Variants in LHFPL6 observed in about 807,000 individuals in gnomAD.
The protein encoded by LHFPL6 is LHFPL tetraspan subfamily member 6 protein.
In LHFPL6, 9 loss-of-function variants were observed where a neutral mutation model predicts 20.6. The ratio of observed to expected loss-of-function variants is 0.44; its 90% CI spans 0.26 to 0.76. The LOEUF is 0.76. Among genes scored for constraint, LHFPL6 ranks in the 30% least tolerant of loss-of-function variants. The pLI is 0.20. For synonymous variants in LHFPL6, 105 were observed against 98.7 expected, an observed-to-expected ratio of 1.06 and a Z score of -0.38; for missense variants, 218 against 253.5, an observed-to-expected ratio of 0.86 and a Z score of 0.95.
At chr13:39,542,131 T>TAATAATAATAATAAA (rs1415016476) in intron 2 of LHFPL6, among the ~76,000 whole-genome samples, 2 of 142,694 alleles carry the variant, frequency 1.4e-5, no homozygotes, top group Non-Finnish European at 3.0e-5. Context: ...ATAATAATAA[T>TAATAATAATAATAAA]AAAATAAAAA....
intron 2 of LHFPL6, among the ~76,000 whole-genome samples, chr13:39,399,722 T>C (rs1187103793): frequency 6.6e-6 from 1 of 152,230 alleles, no homozygotes; most frequent in African/African-American, 2.4e-5. Flanking sequence ...AGATAAATTC[T>C]GGCATCATCG....
chr13:39,361,769 G>T (rs75328949), intron 3 of LHFPL6, among the ~76,000 whole-genome samples: 1 of 152,014 alleles, frequency 6.6e-6, no homozygotes, highest in African/African-American at 2.4e-5. Flanking sequence ...AAAATATATC[G>T]GTATAAGGTC....
At chr13:39,580,213 T>G (rs953619660) in intron 2 of LHFPL6, among the ~76,000 whole-genome samples, 1 of 151,938 alleles carries the variant, frequency 6.6e-6, no homozygotes, top group African/African-American at 2.4e-5. Flanking sequence ...AGATGGGGTC[T>G]CACAGAAGGG....
chr13:39,508,520 T>A (rs765113369), intron 2 of LHFPL6, among the ~76,000 whole-genome samples: 16 of 152,236 alleles, frequency 1.1e-4, no homozygotes, highest in Admixed American at 2.0e-4. Flanking sequence ...ACCATCCATC[T>A]GCTTTCTTTC....
chr13:39,391,267 C>G (rs1041756162), intron 2 of LHFPL6, among the ~76,000 whole-genome samples: 2 of 152,168 alleles, frequency 1.3e-5, no homozygotes, highest in Non-Finnish European at 2.9e-5. Flanking sequence ...TTTGATACCA[C>G]AGCAAACCAA....
At chr13:39,474,146 T>C (rs778268511) in intron 2 of LHFPL6, among the ~76,000 whole-genome samples, 1 of 152,220 alleles carries the variant, frequency 6.6e-6, no homozygotes, top group Non-Finnish European at 1.5e-5. Flanking sequence ...TTTATGGGTA[T>C]GCCTTTTTTA....
chr13:39,480,106 C>A (rs1385238856), intron 2 of LHFPL6, among the ~76,000 whole-genome samples: 1 of 152,076 alleles, frequency 6.6e-6, no homozygotes, highest in Non-Finnish European at 1.5e-5. Context: ...GCATGAATAA[C>A]CCCCATTAAT....
chr13:39,417,822 C>T (rs543571052), intron 2 of LHFPL6, among the ~76,000 whole-genome samples: 73 of 152,206 alleles, frequency 4.8e-4, no homozygotes, highest in African/African-American at 1.7e-3. Flanking sequence ...CCAGCCCCAG[C>T]CATCAAATGG....
intron 2 of LHFPL6, among the ~76,000 whole-genome samples, chr13:39,522,561 T>C (rs1181347917): frequency 6.6e-6 from 1 of 152,258 alleles, no homozygotes; most frequent in Non-Finnish European, 1.5e-5. Context: ...TCTCATGGCC[T>C]GCACAGCCTT....
chr13:39,593,248 T>C (rs1029088362), intron 2 of LHFPL6, among the ~76,000 whole-genome samples: 2 of 152,200 alleles, frequency 1.3e-5, no homozygotes, highest in Non-Finnish European at 2.9e-5. Context: ...AAAATCTCCT[T>C]AAGCTGATAG....
chr13:39,394,527 G>A (rs969126440), intron 2 of LHFPL6, among the ~76,000 whole-genome samples: 4 of 152,146 alleles, frequency 2.6e-5, no homozygotes, highest in Non-Finnish European at 4.4e-5. Context: ...TAAAATCAAA[G>A]AGTAGTGAAC....
At chr13:39,536,978 T>C (rs1425316189) in intron 2 of LHFPL6, among the ~76,000 whole-genome samples, 2 of 152,220 alleles carry the variant, frequency 1.3e-5, no homozygotes, top group African/African-American at 2.4e-5. Flanking sequence ...AGCTCAGACA[T>C]TTCCCTGAGG....
At chr13:39,583,580 C>A (rs1872355330) in intron 2 of LHFPL6, among the ~76,000 whole-genome samples, 1 of 152,182 alleles carries the variant, frequency 6.6e-6, no homozygotes, top group African/African-American at 2.4e-5. Flanking sequence ...GACATTTTCT[C>A]TTTCCAAATT....
At chr13:39,401,435 G>T (rs1047329713) in intron 2 of LHFPL6, among the ~76,000 whole-genome samples, 1 of 152,184 alleles carries the variant, frequency 6.6e-6, no homozygotes, top group East Asian at 1.9e-4. Context: ...GGGAAATGAT[G>T]ACCTCACTGT....
At chr13:39,570,680 TG>T (rs1018739406) in intron 2 of LHFPL6, among the ~76,000 whole-genome samples, 13 of 152,184 alleles carry the variant, frequency 8.5e-5, no homozygotes, top group Admixed American at 6.5e-5. Context: ...GATTTAATCA[TG>T]ATTATAGCTC....
intron 2 of LHFPL6, among the ~76,000 whole-genome samples, chr13:39,516,704 C>T (rs1348171486): frequency 6.6e-6 from 1 of 152,158 alleles, no homozygotes; most frequent in Non-Finnish European, 1.5e-5. Flanking sequence ...AGGCACTTGG[C>T]CTCTGTACGC....
chr13:39,495,973 G>C (rs1869088406), intron 2 of LHFPL6, among the ~76,000 whole-genome samples: 3 of 151,826 alleles, frequency 2.0e-5, no homozygotes, highest in Non-Finnish European at 4.4e-5. Flanking sequence ...AGTTTGTCTA[G>C]AGTCAAGGGA....
At chr13:39,534,287 C>G (rs1031654767) in intron 2 of LHFPL6, among the ~76,000 whole-genome samples, 8 of 152,084 alleles carry the variant, frequency 5.3e-5, no homozygotes, top group African/African-American at 1.7e-4. Context: ...GAAATTGAAG[C>G]TTTCTTGTTA....
chr13:39,412,612 A>C (rs1326736389), intron 2 of LHFPL6, among the ~76,000 whole-genome samples: 3 of 152,322 alleles, frequency 2.0e-5, no homozygotes, highest in African/African-American at 7.2e-5. Flanking sequence ...AAGTACAGAG[A>C]GACTACTTCC....
Sources: allele counts gnomAD v4.1 joint callset (sites outside exome capture counted in the v4.1 genomes callset), GRCh38; gene constraint gnomAD v4.1.1; transcripts MANE v1.5; gene names NCBI Gene and HGNC (gene_info 2026-07-23, HGNC 2026-07-21).